The following SLC5A1 variants were observed in gnomAD, a reference collection of about 807,000 sequenced individuals.
The protein encoded by SLC5A1 is sodium/glucose cotransporter 1.
A neutral mutation model predicts 73.5 loss-of-function variants in SLC5A1; 42 were observed. The ratio of observed to expected loss-of-function variants is 0.57; its 90% CI spans 0.45 to 0.74. The LOEUF (loss-of-function observed/expected upper bound fraction) is 0.74, where lower values mean the gene tolerates loss of function less well. Ranked by LOEUF, SLC5A1 falls within the 30% of genes least tolerant of loss-of-function variation. The pLI is 0.00. For synonymous variants in SLC5A1, 300 were observed against 317.4 expected (o/e 0.95, Z 0.58); for missense variants, 634 against 855.4 (o/e 0.74, Z 3.23).
At chr22:32,052,301 A>G (rs1046707920) in intron 2 of SLC5A1, among the ~76,000 whole-genome samples, 1 of 152,210 alleles carries the variant, frequency 6.6e-6, no homozygotes. Context: ...TTCCCTGAAG[A>G]AAGAGGACAG....
Position 32,110,293 on chromosome 22 carries a change from A to T in SLC5A1, c.*80A>T. The T allele has an allele frequency of 8.7e-7, 1 of 1,152,938 alleles. No homozygotes were observed. Among genetic ancestry groups the T allele is most frequent in the Non-Finnish European group, 1.3e-6 (1 of 767,972 alleles). 71.4% of individuals were successfully genotyped at this position (1,152,938 alleles called of 1,614,324 possible). A position where few individuals can be genotyped will look rare whatever the true frequency, so the allele number is the denominator to read the frequency against. On this transcript the variant is annotated 3_prime_UTR_variant, in exon 15 of 15. Coordinates refer to ENST00000266088, the MANE Select transcript of SLC5A1 (RefSeq NM_000343.4). ...AGTCTCGTCCTGTGGTGTTGAAGGG[A>T]AATCAGCCAGTTGTAAATTTTGCCC... is the stretch of plus-strand genomic sequence containing the variant.
At chr22:32,057,005 A>T (rs2093952856) in intron 2 of SLC5A1, among the ~76,000 whole-genome samples, 1 of 152,178 alleles carries the variant, frequency 6.6e-6, no homozygotes, top group Admixed American at 6.5e-5. Flanking sequence ...TAGGCCAAAA[A>T]AGATTATTAT....
At chr22:32,069,587 T>C (rs1453870366) in intron 5 of SLC5A1, among the ~76,000 whole-genome samples, 1 of 152,186 alleles carries the variant, frequency 6.6e-6, no homozygotes, top group African/African-American at 2.4e-5. Context: ...GTAATGTATA[T>C]GTTAATTAGC....
chr22:32,089,625 T>C (rs556871151), intron 10 of SLC5A1, among the ~76,000 whole-genome samples: 2 of 152,330 alleles, frequency 1.3e-5, no homozygotes, highest in African/African-American at 4.8e-5. Flanking sequence ...TTGGGTACCA[T>C]GAGGACTACA....
chr22:32,073,661 A>AT (rs748594379), intron 5 of SLC5A1, among the ~76,000 whole-genome samples: 20 of 151,902 alleles, frequency 1.3e-4, no homozygotes, highest in Non-Finnish European at 2.6e-4. Flanking sequence ...GGTTCAAGTG[A>AT]TTCTCCTGCC....
chr22:32,082,881 G>A (rs2094002182), intron 6 of SLC5A1, among the ~76,000 whole-genome samples, 193 bp from the exon 7 acceptor site: 1 of 152,228 alleles, frequency 6.6e-6, no homozygotes. Flanking sequence ...TATGACAGGT[G>A]GAGCTGTGGG....
rs187729344 is a variant in SLC5A1, at chr22:32,043,825, A to C, written c.135+409A>C. 6.6e-6 allele frequency among the ~76,000 whole-genome samples: 1 copy of C among 152,178 alleles called. No homozygotes were observed. Among genetic ancestry groups the C allele is most frequent in the African/African-American group, 2.4e-5 (1 of 41,442 alleles). On this transcript the variant is annotated intron_variant, in intron 1 of 14. Transcript: ENST00000266088. The surrounding 1 kb of genome is among the most constrained non-coding windows in gnomAD (Gnocchi z 6.5). ...TCATCCAGTTTCAGATGGGAAAGAA[A>C]TGGTGTGGAGTGGGAAAGCCACAGC...
chr22:32,084,366 G>A (rs2094004569), intron 7 of SLC5A1, 73 bp from the exon 8 acceptor site: 5 of 1,349,336 alleles, frequency 3.7e-6, no homozygotes, highest in South Asian at 3.6e-5. Context: ...AGTTTCTCAG[G>A]CATCTATGGA....
In SLC5A1 at chr22:32,091,155, T is replaced by C. The variant is rs186407900; in HGVS notation, c.1130-457T>C. 6.9e-4 allele frequency among the ~76,000 whole-genome samples: 77 copies of C among 111,792 alleles called. No homozygotes were observed. In the East Asian group the frequency reaches 0.013, roughly 19 times the overall value. The allele number at this position is 111,792 out of a possible 152,430, so 73.3% of individuals were successfully genotyped here. A position where few individuals can be genotyped will look rare whatever the true frequency, so the allele number is the denominator to read the frequency against. ...CCTTATCAGATACATGATTTGCACG[T>C]ATTTTCTCCCAGTCTGTGGATGGCT... On this transcript the variant is annotated intron_variant, in intron 10 of 14. Coordinates refer to ENST00000266088, the MANE Select transcript of SLC5A1 (RefSeq NM_000343.4).
intron 1 of SLC5A1, among the ~76,000 whole-genome samples, chr22:32,047,447 C>A (rs2093938644): frequency 8.5e-6 from 1 of 117,390 alleles, no homozygotes; most frequent in Non-Finnish European, 1.8e-5. Flanking sequence ...TTGCTACAGA[C>A]CAGGTCCTTG....
At chr22:32,082,709 T>A (rs551287213) in intron 6 of SLC5A1, among the ~76,000 whole-genome samples, 1 of 152,276 alleles carries the variant, frequency 6.6e-6, no homozygotes, top group African/African-American at 2.4e-5. Context: ...GGTAGACATA[T>A]GTCCCACCAT....
chr22:32,049,080 A>G (rs1289790545), intron 1 of SLC5A1, among the ~76,000 whole-genome samples: 1 of 129,248 alleles, frequency 7.7e-6, no homozygotes, highest in African/African-American at 3.6e-5. Context: ...TCTAAAATAA[A>G]TAAATAAATA....
chr22:32,084,465 G>T lies in SLC5A1; in HGVS notation c.691G>T (p.Ala231Ser). The change falls in exon 8 of 15, where the codon GCC becomes TCC. Residue 231 changes from alanine to serine, a missense_variant. Physicochemically the swap from Ala to Ser is moderately conservative, Grantham distance 99 (BLOSUM62 1). Coordinates refer to ENST00000266088, the MANE Select transcript of SLC5A1 (RefSeq NM_000343.4). ...TTTTCACGAAGTGGGAGGCTATGAC[G>T]CCTTCATGGAAAAGTACATGAAAGC... ...FAFHEVGGYD[A>S]FMEKYMKAIP... 1 of 1,614,168 alleles carries T rather than the reference G, an allele frequency of 6.2e-7. No individual in the cohort carries two copies. Among genetic ancestry groups the T allele is most frequent in the Non-Finnish European group, 8.5e-7 (1 of 1,179,998 alleles).
At chr22:32,048,104 A>G (rs2093939498) in intron 1 of SLC5A1, among the ~76,000 whole-genome samples, 1 of 150,736 alleles carries the variant, frequency 6.6e-6, no homozygotes, top group Non-Finnish European at 1.5e-5. Flanking sequence ...GTGAGCTGAG[A>G]CTGCACTACT....
intron 11 of SLC5A1, among the ~76,000 whole-genome samples, chr22:32,095,282 T>C (rs367863860): frequency 1.1e-4 from 17 of 152,208 alleles, no homozygotes; most frequent in African/African-American, 4.1e-4. Flanking sequence ...CCTTGGAGAA[T>C]GTTCCATGCA....
chr22:32,102,931 T>A (rs1183853922), intron 13 of SLC5A1, among the ~76,000 whole-genome samples: 1 of 152,248 alleles, frequency 6.6e-6, no homozygotes, highest in Non-Finnish European at 1.5e-5. Context: ...AATAATACTC[T>A]ACTGTATATT....
intron 13 of SLC5A1, among the ~76,000 whole-genome samples, chr22:32,104,130 A>T (rs1238832802): frequency 6.6e-6 from 1 of 152,198 alleles, no homozygotes; most frequent in African/African-American, 2.4e-5. Context: ...CGTCAAACAA[A>T]GACTGCTTTT....
Position 32,043,428 on chromosome 22 carries a change from GT to G in SLC5A1, c.135+14del, listed in dbSNP as rs772088460. 1.2e-6 allele frequency: 2 copies of G among 1,613,542 alleles called. No individual in the cohort carries two copies. Among genetic ancestry groups the G allele is most frequent in the East Asian group, 2.2e-5 (1 of 44,856 alleles). On this transcript the variant is annotated intron_variant, in intron 1 of 14. Transcript: ENST00000266088. This position sits in a 1 kb window ranked among gnomAD's most constrained non-coding sequence, Gnocchi z 6.5. The stretch of plus-strand genomic sequence containing the variant: ...CCGTCGGACTGTGGGTATGCAGCGG[GT>G]TCTGGGATGCGGGTGGGGAGGGTGC...
At chr22:32,061,152 G>T (rs1027858787) in intron 2 of SLC5A1, among the ~76,000 whole-genome samples, 2 of 152,140 alleles carry the variant, frequency 1.3e-5, no homozygotes, top group Non-Finnish European at 2.9e-5. Flanking sequence ...GGCTGGCTGC[G>T]GTGGCTCATG....
Sources: allele counts gnomAD v4.1 joint callset (sites outside exome capture counted in the v4.1 genomes callset), GRCh38; gene constraint gnomAD v4.1.1; non-coding constraint Gnocchi (gnomAD v3.1); transcripts MANE v1.5; gene names NCBI Gene and HGNC (gene_info 2026-07-23, HGNC 2026-07-21).